CELF2: variants seen among roughly 807,000 people sequenced by gnomAD.
The protein encoded by CELF2 is CUG triplet repeat RNA-binding protein 2.
In CELF2, 8 loss-of-function variants were observed where a neutral mutation model predicts 62.6. The ratio of observed to expected loss-of-function variants is 0.13; its 90% CI spans 0.07 to 0.23. The LOEUF (loss-of-function observed/expected upper bound fraction) is 0.23, where lower values mean the gene tolerates loss of function less well. Among genes scored for constraint, CELF2 ranks in the 10% least tolerant of loss-of-function variants. The probability of loss-of-function intolerance (pLI) is 1.00; values close to 1 mark genes in which losing one functional copy is unlikely to be tolerated. For missense variants in CELF2, 333 were observed against 671.0 expected, an observed-to-expected ratio of 0.50 and a Z score of 5.56; for synonymous variants, 258 against 250.0, an observed-to-expected ratio of 1.03 and a Z score of -0.30.
chr10:10,745,552 T>C, the CELF2 span, among the ~76,000 whole-genome samples: 1 of 152,244 alleles, frequency 6.6e-6, no homozygotes. Flanking sequence ...TTGTGTGTTG[T>C]GTTTAACCTC....
intron 8 of CELF2, among the ~76,000 whole-genome samples, chr10:11,284,305 C>A (rs62650661): frequency 0.74 from 1,365 of 1,840 alleles, 665 homozygotes; most frequent in Non-Finnish European, 0.81. Flanking sequence ...TGGTGGGTGG[C>A]TGAGGGATGA....
chr10:10,909,278 G>A (rs1267783006), intron 1 of CELF2, among the ~76,000 whole-genome samples: 1 of 152,174 alleles, frequency 6.6e-6, no homozygotes, highest in Non-Finnish European at 1.5e-5. Context: ...GGTATCTGGG[G>A]GAGGCAAGAG....
At position 11,178,559 on chromosome 10, in the gene CELF2, C is replaced by G. The variant is rs2072096131; in HGVS notation, c.271+12877C>G. ...CTACCTAATTGTGCTCTAATCTGTA[C>G]TTAGGAGTATAGTTTTTTAAGTGGG... On this transcript the variant is annotated intron_variant, in intron 2 of 12. Transcript: ENST00000633077. This position sits in a 1 kb window ranked among gnomAD's most constrained non-coding sequence, Gnocchi z 4.3. Among the ~76,000 whole-genome samples, 1 of 152,230 alleles carries G rather than the reference C, an allele frequency of 6.6e-6. No homozygotes were observed. The highest frequency in any genetic ancestry group is 1.5e-5 in the Non-Finnish European group (1 of 68,032).
At position 11,131,917 on chromosome 10, in the gene CELF2, T is replaced by C. The variant is rs369601425; in HGVS notation, c.75-33569T>C. ...AAAGAGTTGAGTTTCTGTTAATTCA[T>C]AGAGAAAACTCATAGCAGTCTTGGA... On this transcript the variant is annotated intron_variant, in intron 1 of 12. Transcript: ENST00000633077. 8.7e-4 allele frequency among the ~76,000 whole-genome samples: 133 copies of C among 152,356 alleles called. 1 individual carries two copies. The highest frequency in any genetic ancestry group is 3.0e-3 in the African/African-American group (124 of 41,576).
intron 1 of CELF2, among the ~76,000 whole-genome samples, chr10:11,096,149 A>G (rs372182628): frequency 5.9e-5 from 9 of 152,222 alleles, no homozygotes; most frequent in African/African-American, 2.2e-4. Flanking sequence ...ATTTACTTCT[A>G]CCTCTGAACA....
At chr10:10,694,181 C>G in the CELF2 span, among the ~76,000 whole-genome samples, 178 of 151,762 alleles carry the variant, frequency 1.2e-3, no homozygotes, top group East Asian at 0.01. Context: ...ACACTGCTTT[C>G]AATGCGTCCC....
chr10:11,057,694 G>A (rs1222838309), intron 1 of CELF2, among the ~76,000 whole-genome samples: 1 of 152,088 alleles, frequency 6.6e-6, no homozygotes. Context: ...TAAGCATAAG[G>A]ATGTAACGTG....
the CELF2 span, among the ~76,000 whole-genome samples, chr10:10,697,774 A>T: frequency 0.017 from 2,634 of 152,058 alleles, 40 homozygotes; most frequent in African/African-American, 0.042. Context: ...TACCATCACC[A>T]TGGAGATTAG....
At chr10:10,789,940 C>T in the CELF2 span, among the ~76,000 whole-genome samples, 4 of 151,866 alleles carry the variant, frequency 2.6e-5, no homozygotes, top group Non-Finnish European at 5.9e-5. Flanking sequence ...ATTTTAATTG[C>T]ATTTTATTTA....
At chr10:10,661,648 T>C in the CELF2 span, among the ~76,000 whole-genome samples, 2 of 152,368 alleles carry the variant, frequency 1.3e-5, no homozygotes, top group African/African-American at 4.8e-5. Context: ...TAAGTGATGA[T>C]AACTGTACTG....
the CELF2 span, among the ~76,000 whole-genome samples, chr10:10,729,486 T>G: frequency 6.6e-6 from 1 of 152,304 alleles, no homozygotes; most frequent in Non-Finnish European, 1.5e-5. Flanking sequence ...TCCAAGATAT[T>G]CCTAATTGTG....
intron 1 of CELF2, among the ~76,000 whole-genome samples, chr10:10,852,069 A>G (rs559801350): frequency 5.3e-5 from 8 of 152,370 alleles, no homozygotes; most frequent in Admixed American, 1.3e-4. Flanking sequence ...ATAGGTATCT[A>G]TCATATGATG....
rs775513168 is a variant in CELF2 at position 11,018,121 on chromosome 10, C to G, written c.32C>G (p.Pro11Arg). ...TCTGCCTTCAAGCTGGATTTCCTCC[C>G]GGACATGATGGTCGAGGGCCGCCTG... MTSAFKLDFLPDMMVEGRLLV... is the reference protein window; with the variant it reads MTSAFKLDFLRDMMVEGRLLV... The change falls in exon 1 of 13, where the codon CCG becomes CGG. Residue 11 changes from proline to arginine, a missense_variant. By Grantham distance (103) the Pro-to-Arg change is moderately radical. Transcript: ENST00000633077. 2.6e-6 allele frequency: 4 copies of G among 1,517,306 alleles called. No homozygotes were observed. The Admixed American group carries it at 8.1e-5, about 31-fold the overall frequency. 94.0% of individuals were successfully genotyped at this position (1,517,306 alleles called of 1,614,324 possible).
intron 1 of CELF2, among the ~76,000 whole-genome samples, chr10:10,820,463 T>G (rs1204435170): frequency 6.6e-6 from 1 of 152,242 alleles, no homozygotes; most frequent in African/African-American, 2.4e-5. Flanking sequence ...ATTCAAATAT[T>G]TATTGAGTAT....
In CELF2 at chr10:11,211,825, T is replaced by A. The variant is rs914408259; in HGVS notation, c.272-5600T>A. ...GAGAGAGAGAGAGAGTGTGTGTGTGTGTGTGTGTGTGTGTGTGTGTGTGTG... is the reference window on the plus strand; with the variant it reads ...GAGAGAGAGAGAGAGTGTGTGTGTGAGTGTGTGTGTGTGTGTGTGTGTGTG... On this transcript the variant is annotated intron_variant, in intron 2 of 12. Transcript: ENST00000633077. The surrounding 1 kb of genome is among the most constrained non-coding windows in gnomAD (Gnocchi z 4.8). Among the ~76,000 whole-genome samples the A allele has an allele frequency of 1.6e-4, 24 of 149,260 alleles. No homozygotes were observed. The highest frequency in any genetic ancestry group is 2.4e-4 in the Non-Finnish European group (16 of 67,462).
chr10:10,668,013 C>T, the CELF2 span, among the ~76,000 whole-genome samples: 5 of 152,130 alleles, frequency 3.3e-5, no homozygotes. Flanking sequence ...GTCTTCTCTA[C>T]CATTAAAGAG....
the CELF2 span, among the ~76,000 whole-genome samples, chr10:10,583,984 C>T: frequency 2.0e-5 from 3 of 152,062 alleles, no homozygotes; most frequent in Admixed American, 2.0e-4. Context: ...GACTATATAG[C>T]CTCAAAGATG....
At chr10:10,722,361 A>T in the CELF2 span, among the ~76,000 whole-genome samples, 73 of 152,306 alleles carry the variant, frequency 4.8e-4, no homozygotes, top group Non-Finnish European at 8.5e-4. Flanking sequence ...TTAAAATTAC[A>T]TGCCTTTGAA....
intron 9 of CELF2, among the ~76,000 whole-genome samples, chr10:11,304,098 T>C (rs1405860894): frequency 6.6e-6 from 1 of 152,202 alleles, no homozygotes; most frequent in East Asian, 1.9e-4. Context: ...ATTTATTATG[T>C]TGCAGTTCTG....
Sources: gnomAD v4.1 joint callset for allele counts (sites outside exome capture counted in the v4.1 genomes callset) on GRCh38, gnomAD v4.1.1 for gene constraint, Gnocchi (gnomAD v3.1) non-coding constraint, MANE v1.5 for transcripts, NCBI Gene and HGNC (gene_info 2026-07-23, HGNC 2026-07-21) for gene names.